OPCML: variants seen among roughly 807,000 people sequenced by gnomAD.
OPCML encodes the protein opioid binding protein/cell adhesion molecule like.
OPCML carries 13 observed loss-of-function variants against 37.8 expected under a neutral mutation model. That is an observed-to-expected ratio of 0.34 (90% CI 0.22 to 0.55). The LOEUF (loss-of-function observed/expected upper bound fraction) is 0.55. OPCML is among the 20% of genes least tolerant of loss of function. The pLI is 0.91. For synonymous variants in OPCML, 176 were observed against 168.8 expected, an observed-to-expected ratio of 1.04 and a Z score of -0.33; for missense variants, 341 against 435.6, an observed-to-expected ratio of 0.78 and a Z score of 1.93.
At chr11:133,106,602 T>A (rs1226844257) in intron 1 of OPCML, among the ~76,000 whole-genome samples, 1 of 152,204 alleles carries the variant, frequency 6.6e-6, no homozygotes, top group Non-Finnish European at 1.5e-5. Flanking sequence ...GCAAATGGGA[T>A]GATGGTAAAG....
chr11:132,653,886 C>A (rs1229974428), intron 3 of OPCML, among the ~76,000 whole-genome samples: 1 of 152,118 alleles, frequency 6.6e-6, no homozygotes, highest in Non-Finnish European at 1.5e-5. Context: ...AGTGGCAGCT[C>A]GGAAATTTTT....
At chr11:132,708,547 A>T (rs1307356460) in intron 2 of OPCML, among the ~76,000 whole-genome samples, 2 of 152,350 alleles carry the variant, frequency 1.3e-5, no homozygotes, top group Non-Finnish European at 2.9e-5. Flanking sequence ...TTAACAAAAG[A>T]ACTGAAAATC....
At chr11:133,365,112 A>C (rs569529379) in intron 1 of OPCML, among the ~76,000 whole-genome samples, 2 of 151,568 alleles carry the variant, frequency 1.3e-5, no homozygotes, top group African/African-American at 4.9e-5. Context: ...CCTGGGAACC[A>C]CTGCTGTGCA....
At chr11:132,996,339 G>A (rs886653126) in intron 1 of OPCML, among the ~76,000 whole-genome samples, 5 of 152,026 alleles carry the variant, frequency 3.3e-5, no homozygotes, top group Admixed American at 6.6e-5. Context: ...TTGATTCATA[G>A]CTGGGTACAG....
At position 132,430,592 on chromosome 11, in the gene OPCML, C is replaced by T. The variant is rs556424864; in HGVS notation, c.916+5494G>A. Among the ~76,000 whole-genome samples the T allele has an allele frequency of 4.6e-5, 7 of 152,342 alleles. No homozygotes were observed. The South Asian group carries it at 1.0e-3, about 23-fold the overall frequency. On this transcript the variant is annotated intron_variant, in intron 7 of 7. Transcript: ENST00000524381. ...TGGCCTGAGGAAGAAACTCTGTGCA[C>T]AGATGTTGACTTAACTGGAGCGTTT...
Position 132,466,586 on chromosome 11 carries a change from A to G in OPCML, c.506-29227T>C, listed in dbSNP as rs960970338. The stretch of plus-strand genomic sequence containing the variant: ...TGGAAAGAACCAGTTAATACTTTGG[A>G]CTGAATCAGCAAGATAGAAACAGCT... On this transcript the variant is annotated intron_variant, in intron 4 of 7. Transcript: ENST00000524381. 5.9e-5 allele frequency among the ~76,000 whole-genome samples: 9 copies of G among 152,258 alleles called. No homozygotes were observed. The East Asian group carries it at 1.7e-3, about 29-fold the overall frequency.
chr11:132,647,798 G>A (rs933821928), intron 3 of OPCML, among the ~76,000 whole-genome samples: 6 of 152,154 alleles, frequency 3.9e-5, no homozygotes, highest in South Asian at 2.1e-4. Flanking sequence ...AGGGTCAACC[G>A]TACTCAGCAG....
At chr11:133,448,319 A>T (rs1946512176) in intron 1 of OPCML, among the ~76,000 whole-genome samples, 1 of 152,202 alleles carries the variant, frequency 6.6e-6, no homozygotes, top group Non-Finnish European at 1.5e-5. Flanking sequence ...TTGCCTTGGT[A>T]CCTTTGTCAA....
intron 1 of OPCML, among the ~76,000 whole-genome samples, chr11:133,524,380 A>C (rs976013716): frequency 6.6e-6 from 1 of 152,190 alleles, no homozygotes; most frequent in Non-Finnish European, 1.5e-5. Context: ...ACCATTCATG[A>C]CCTTCTGCTA....
chr11:132,503,370 C>T (rs1450525592), intron 4 of OPCML, among the ~76,000 whole-genome samples: 1 of 152,178 alleles, frequency 6.6e-6, no homozygotes, highest in East Asian at 1.9e-4. Context: ...GTAATTACCA[C>T]AACTTCTACT....
Position 133,496,880 on chromosome 11 carries a change from G to A in OPCML, c.61+35384C>T, listed in dbSNP as rs903073656. ...GTTTGACTTCCTCTTTACCAATTTG[G>A]ATGGCCTTTATTTCTTTCCCTTGTC... On this transcript the variant is annotated intron_variant, in intron 1 of 7. Transcript: ENST00000524381. 5.3e-5 allele frequency among the ~76,000 whole-genome samples: 8 copies of A among 152,100 alleles called. 1 individual carries two copies.
chr11:133,283,472 C>G (rs1942216633), intron 1 of OPCML, among the ~76,000 whole-genome samples: 1 of 151,774 alleles, frequency 6.6e-6, no homozygotes, highest in Non-Finnish European at 1.5e-5. Context: ...GAGGCCCTTA[C>G]CAGAAGCTGA....
intron 1 of OPCML, among the ~76,000 whole-genome samples, chr11:133,358,054 A>C (rs1944331201): frequency 6.6e-6 from 1 of 152,114 alleles, no homozygotes; most frequent in African/African-American, 2.4e-5. Context: ...AGGCATTCTG[A>C]TCTCAGCTAA....
Position 133,125,969 on chromosome 11 carries a change from T to C in OPCML, c.62-182959A>G, listed in dbSNP as rs551973601. 1.5e-3 allele frequency among the ~76,000 whole-genome samples: 227 copies of C among 149,654 alleles called. 2 individuals are homozygous for C. Among genetic ancestry groups the C allele is most frequent in the African/African-American group, 5.4e-3 (219 of 40,732 alleles). ...GACACATGTATATAGTGTATATATA[T>C]ACATGTATATATAGACACACGTATA... On this transcript the variant is annotated intron_variant, in intron 1 of 7. Transcript: ENST00000524381.
intron 1 of OPCML, among the ~76,000 whole-genome samples, chr11:133,207,999 G>A (rs937178650): frequency 3.3e-5 from 5 of 151,960 alleles, no homozygotes; most frequent in Admixed American, 2.0e-4. Context: ...GCACCTCTAC[G>A]CTTTGTAATT....
At chr11:132,854,491 G>A (rs1241614778) in intron 2 of OPCML, among the ~76,000 whole-genome samples, 1 of 152,152 alleles carries the variant, frequency 6.6e-6, no homozygotes, top group African/African-American at 2.4e-5. Flanking sequence ...ATCACAAAGT[G>A]GGTTCCCCTG....
intron 3 of OPCML, among the ~76,000 whole-genome samples, chr11:132,631,375 A>ATATATCTC (rs1491278364): frequency 7.2e-6 from 1 of 139,592 alleles, no homozygotes; most frequent in Non-Finnish European, 1.6e-5. Context: ...ATATATATAT[A>ATATATCTC]TCTCCTAGGT....
chr11:133,084,443 T>C (rs994903438), intron 1 of OPCML, among the ~76,000 whole-genome samples: 4 of 152,348 alleles, frequency 2.6e-5, no homozygotes, highest in East Asian at 3.9e-4. Flanking sequence ...AGCTGAGAGA[T>C]TCAGCTTCCA....
intron 2 of OPCML, among the ~76,000 whole-genome samples, chr11:132,729,977 A>G (rs1945019481): frequency 7.8e-6 from 1 of 127,506 alleles, no homozygotes; most frequent in Admixed American, 7.8e-5. Context: ...AAGGGTTCGG[A>G]TTTTGTTTAC....
Sources: gnomAD v4.1 joint callset for allele counts (sites outside exome capture counted in the v4.1 genomes callset) on GRCh38, gnomAD v4.1.1 for gene constraint, MANE v1.5 for transcripts, NCBI Gene and HGNC (gene_info 2026-07-23, HGNC 2026-07-21) for gene names.